The following PVR variants were observed in gnomAD, a reference collection of about 807,000 sequenced individuals.
PVR encodes PVR cell adhesion molecule.
A neutral mutation model predicts 43.3 loss-of-function variants in PVR; 39 were observed. That is an observed-to-expected ratio of 0.90 (90% CI 0.70 to 1.18). The LOEUF (loss-of-function observed/expected upper bound fraction) is 1.18. PVR is among the 50% of genes most tolerant of loss of function. The pLI is 0.00. For synonymous variants in PVR, 224 were observed against 233.2 expected (o/e 0.96, Z 0.36); for missense variants, 480 against 549.7 (o/e 0.87, Z 1.27).
intron 4 of PVR, among the ~76,000 whole-genome samples, chr19:44,655,811 CTA>C (rs1425468069): frequency 6.7e-6 from 1 of 149,928 alleles, no homozygotes; most frequent in Non-Finnish European, 1.5e-5. Context: ...TTCAGTCCCT[CTA>C]TTCATCCATC....
chr19:44,661,845 G>C lies in PVR; in HGVS notation c.*34G>C. The C allele has an allele frequency of 1.2e-6, 2 of 1,602,860 alleles. No individual in the cohort carries two copies. Among genetic ancestry groups the C allele is most frequent in the Non-Finnish European group, 1.7e-6 (2 of 1,170,912 alleles). ...GGACTGAGAGGGGAGAGAGACTGGA[G>C]CTGGCAAGGACGTGGGCCTCCAGAG... On this transcript the variant is annotated 3_prime_UTR_variant, in exon 8 of 8. Transcript: ENST00000425690.
Position 44,665,911 on chromosome 19 carries a change from C to G in PVR, c.*4100C>G, listed in dbSNP as rs1463763131. ...CAGCGTCTTTTCCGGTCTCATTCAC[C>G]AGCGCCGCCCACCGCTCAACCAATC... On this transcript the variant is annotated 3_prime_UTR_variant, in exon 8 of 8. Transcript: ENST00000425690. The G allele has an allele frequency of 6.6e-6, 1 of 152,274 alleles. No individual in the cohort carries two copies. The highest frequency in any genetic ancestry group is 1.9e-4 in the East Asian group (1 of 5,186). 9.4% of individuals were successfully genotyped at this position (152,274 alleles called of 1,614,324 possible).
chr19:44,652,660 A>G (rs1376094173), intron 3 of PVR, among the ~76,000 whole-genome samples: 2 of 151,690 alleles, frequency 1.3e-5, no homozygotes, highest in Non-Finnish European at 2.9e-5. Flanking sequence ...GGGATTACAG[A>G]CGTGAGCCAC....
intron 6 of PVR, among the ~76,000 whole-genome samples, chr19:44,659,552 G>A (rs1156444833): frequency 2.0e-4 from 30 of 152,054 alleles, no homozygotes; most frequent in Non-Finnish European, 1.5e-5. Context: ...GTGCGATCTC[G>A]GCTCACTGTA....
chr19:44,648,011 C>T (rs1190102464), intron 2 of PVR, among the ~76,000 whole-genome samples: 1 of 152,138 alleles, frequency 6.6e-6, no homozygotes, highest in Non-Finnish European at 1.5e-5. Context: ...TGTCTGCCCC[C>T]TTGGACTGTG....
chr19:44,647,670 T>TC, intron 2 of PVR, 100 bp downstream of exon 2: 3 of 431,454 alleles, frequency 7.0e-6, no homozygotes, highest in Non-Finnish European at 1.2e-5. Context: ...GGGAGGGAGA[T>TC]TCCCTCCACA....
chr19:44,654,185 G>A (rs1973369572), intron 4 of PVR, among the ~76,000 whole-genome samples, 168 bp downstream of exon 4: 1 of 151,022 alleles, frequency 6.6e-6, no homozygotes, highest in African/African-American at 2.4e-5. Context: ...GGGTCTGAGG[G>A]AAGAGGGGCT....
Position 44,657,368 on chromosome 19 carries a change from A to G in PVR, c.843-394A>G, listed in dbSNP as rs117995052. On this transcript the variant is annotated intron_variant, in intron 4 of 7. Transcript: ENST00000425690. ...TAACTCTGAGCCAGGCTAGGCCCCC[A>G]GAGGGTACTGAGCTGAGGTATGGGA... is the stretch of plus-strand genomic sequence containing the variant. Among the ~76,000 whole-genome samples the G allele has an allele frequency of 5.7e-3, 863 of 152,290 alleles. 5 individuals carry two copies. Among genetic ancestry groups the G allele is most frequent in the Admixed American group, 0.016 (239 of 15,294 alleles).
chr19:44,647,971 C>T (rs184694601), intron 2 of PVR, among the ~76,000 whole-genome samples: 182 of 152,194 alleles, frequency 1.2e-3, no homozygotes, highest in African/African-American at 4.2e-3. Context: ...GAAAGCTGTC[C>T]TGAGTGTCAT....
In PVR at chr19:44,661,349, G is replaced by A. The variant is rs116395038; in HGVS notation, c.1182+26G>A. ...GTAAGTGCAGTGTTGGAGCTAAGGA[G>A]GGTGTGGGGTCTGCACGAACTACAG... On this transcript the variant is annotated intron_variant, in intron 7 of 7. Coordinates refer to ENST00000425690, the MANE Select transcript of PVR (RefSeq NM_006505.5). The A allele has an allele frequency of 4.1e-3, 6,685 of 1,612,386 alleles. 256 individuals are homozygous for A. In the African/African-American group the frequency reaches 0.078, roughly 19 times the overall value.
At chr19:44,648,112 C>A (rs934430704) in intron 2 of PVR, among the ~76,000 whole-genome samples, 1 of 152,130 alleles carries the variant, frequency 6.6e-6, no homozygotes, top group African/African-American at 2.4e-5. Flanking sequence ...TTATTATGTG[C>A]CATTCTAAGA....
chr19:44,661,715 C>T, intron 7 of PVR, 25 bp from the exon 8 acceptor site: 1 of 1,610,326 alleles, frequency 6.2e-7, no homozygotes, highest in Non-Finnish European at 8.5e-7. Context: ...AGCCCCAAGG[C>T]TAAAATTTGA....
intron 2 of PVR, among the ~76,000 whole-genome samples, chr19:44,649,082 T>A (rs1973207730): frequency 6.6e-6 from 1 of 152,160 alleles, no homozygotes; most frequent in East Asian, 1.9e-4. Flanking sequence ...TCTCCTCCAC[T>A]GAGCCCCAGA....
At chr19:44,645,121 ATATTAT>A (rs1973053322) in intron 1 of PVR, among the ~76,000 whole-genome samples, 3 of 78,684 alleles carry the variant, frequency 3.8e-5, no homozygotes, top group African/African-American at 1.3e-4. Context: ...AATATATAAT[ATATTAT>A]AATATATTAT....
chr19:44,657,800 G>A lies in PVR; in HGVS notation c.881G>A (p.Gly294Asp). ...CTGCCACCCTTTGCTGTGGCCCAGG[G>A]CGCCCAGCTCCTGATCCGTCCTGTG... ...GPLPPFAVAQ[G>D]AQLLIRPVDK... The change falls in exon 5 of 8, where the codon GGC becomes GAC. Residue 294 changes from glycine (G) to aspartate (D), a missense_variant. Gly to Asp is a moderately conservative substitution (Grantham distance 94). Coordinates refer to ENST00000425690, the MANE Select transcript of PVR (RefSeq NM_006505.5). 6.2e-7 allele frequency: 1 copy of A among 1,614,062 alleles called. No individual in the cohort carries two copies.
At chr19:44,653,856 C>T (rs368105509) in intron 3 of PVR, 44 bp from the exon 4 acceptor site, 3 of 1,418,358 alleles carry the variant, frequency 2.1e-6, no homozygotes, top group Non-Finnish European at 3.0e-6. Context: ...CCCAGGCCCC[C>T]CAAAGCCTCC....
intron 5 of PVR, 91 bp from the exon 6 acceptor site, chr19:44,658,651 G>C: frequency 8.7e-7 from 1 of 1,151,756 alleles, no homozygotes; most frequent in Non-Finnish European, 1.3e-6. Context: ...TGGAGTGGTG[G>C]CTCCCTAAGG....
chr19:44,649,929 T>G lies in PVR; in HGVS notation c.548T>G (p.Leu183Arg). The G allele has an allele frequency of 6.8e-6, 11 of 1,612,728 alleles. No homozygotes were observed. Among genetic ancestry groups the G allele is most frequent in the Non-Finnish European group, 9.3e-6 (11 of 1,179,244 alleles). The change falls in exon 3 of 8, where the codon CTG (leucine) becomes CGG (arginine). Residue 183 changes from leucine to arginine, a missense_variant. Transcript: ENST00000425690. The part of the protein sequence containing the change: ...PPAQITWHSD[L>R]GGMPNTSQVP... ...GCCCAAATCACCTGGCACTCAGACC[T>G]GGGCGGGATGCCCAATACGAGCCAG...
intron 3 of PVR, among the ~76,000 whole-genome samples, chr19:44,650,878 T>A (rs1973263882): frequency 6.6e-6 from 1 of 152,080 alleles, no homozygotes; most frequent in Non-Finnish European, 1.5e-5. Context: ...TGTTTTGTTT[T>A]GTTTTTCCTT....
Sources: gnomAD v4.1 joint callset for allele counts (sites outside exome capture counted in the v4.1 genomes callset) on GRCh38, gnomAD v4.1.1 for gene constraint, MANE v1.5 for transcripts, NCBI Gene and HGNC (gene_info 2026-07-23, HGNC 2026-07-21) for gene names.